Variants in CUL7 observed in about 807,000 individuals in gnomAD.
The protein encoded by CUL7 is cullin 7, also known as cullin-7.
CUL7 carries 96 observed loss-of-function variants against 177.7 expected under a neutral mutation model. That is an observed-to-expected ratio of 0.54 (90% CI 0.46 to 0.64). CUL7 has a LOEUF of 0.64. CUL7 is among the 30% of genes least tolerant of loss of function. The pLI is 0.00. For missense variants in CUL7, 1,893 were observed against 2,187.9 expected, an observed-to-expected ratio of 0.87 and a Z score of 2.69; for synonymous variants, 824 against 890.2, an observed-to-expected ratio of 0.93 and a Z score of 1.32.
chr6:43,038,213 T>G, intron 25 of CUL7, 54 bp downstream of exon 25: 1 of 1,594,558 alleles, frequency 6.3e-7, no homozygotes, highest in African/African-American at 1.3e-5. Flanking sequence ...TCCTGTAGAC[T>G]GCTCCCCCAA....
chr6:43,045,710 C>T lies in CUL7; in HGVS notation c.2767-28G>A. ...GGCAGGGGGCAGAGAAAGCTGTCAC[C>T]TCCACACATGCAGAGCCAAGTTGGC... On this transcript the variant is annotated intron_variant, in intron 13 of 25. Coordinates refer to ENST00000265348, the MANE Select transcript of CUL7 (RefSeq NM_014780.5). This position sits in a 1 kb window ranked among gnomAD's most constrained non-coding sequence, Gnocchi z 4.8. 2.7e-5 allele frequency: 44 copies of T among 1,612,100 alleles called. No individual in the cohort carries two copies. Among genetic ancestry groups the T allele is most frequent in the Non-Finnish European group, 3.7e-5 (44 of 1,178,174 alleles).
rs986101314 is a variant in CUL7, at chr6:43,053,218, T to C, written c.-9+404A>G. On this transcript the variant is annotated intron_variant, in intron 1 of 25. Coordinates refer to ENST00000265348, the MANE Select transcript of CUL7 (RefSeq NM_014780.5). This position sits in a 1 kb window ranked among gnomAD's most constrained non-coding sequence, Gnocchi z 4.1. ...TGAAAAGGGGTGCTGTCTCTAAGGA[T>C]TGGAGCATGGGAGTGCGAGACCCAA... 4.6e-5 allele frequency among the ~76,000 whole-genome samples: 7 copies of C among 150,890 alleles called. No individual in the cohort carries two copies. Among genetic ancestry groups the C allele is most frequent in the Non-Finnish European group, 8.9e-5 (6 of 67,648 alleles).
chr6:43,046,209 G>C (rs767369934), intron 12 of CUL7, 27 bp downstream of exon 12: 2 of 1,614,154 alleles, frequency 1.2e-6, no homozygotes, highest in South Asian at 1.1e-5. Flanking sequence ...ACACGTGTGT[G>C]GCAAAGCACA....
intron 7 of CUL7, among the ~76,000 whole-genome samples, chr6:43,048,976 G>C (rs1175874550): frequency 6.6e-6 from 1 of 151,606 alleles, no homozygotes; most frequent in Non-Finnish European, 1.5e-5. Flanking sequence ...GTTTCACCAT[G>C]TTAGGCAGGA....
Position 43,046,088 on chromosome 6 carries a change from T to C in CUL7, c.2664A>G (p.Gln888=), listed in dbSNP as rs1581934137. The change falls in exon 13 of 26, where the codon CAA becomes CAG. Residue 888 remains glutamine (Q), a synonymous_variant. Coordinates refer to ENST00000265348, the MANE Select transcript of CUL7 (RefSeq NM_014780.5). ...CCTCACTAGCCACAAGCAGAGTCAG[T>C]TGCCTGGGAGTGGGGAGGAAAAACC... ...LHMRRGILIR[Q]LTLLVASEDS... 2 of 1,614,030 alleles carry C rather than the reference T, an allele frequency of 1.2e-6. No individual in the cohort carries two copies. Among genetic ancestry groups the C allele is most frequent in the Non-Finnish European group, 1.7e-6 (2 of 1,179,940 alleles).
intron 6 of CUL7, 47 bp from the exon 7 acceptor site, chr6:43,049,709 G>A: frequency 6.2e-7 from 1 of 1,610,520 alleles, no homozygotes; most frequent in South Asian, 1.1e-5. Flanking sequence ...TGCCGACCCA[G>A]AGGCCCCAGG....
chr6:43,039,319 T>G (rs1464938451), intron 22 of CUL7, among the ~76,000 whole-genome samples: 3 of 152,222 alleles, frequency 2.0e-5, no homozygotes, highest in African/African-American at 7.2e-5. Context: ...TGGAATATTA[T>G]GACAGGAAAC....
intron 10 of CUL7, 48 bp from the exon 11 acceptor site, chr6:43,046,649 C>T (rs569013825): frequency 3.2e-5 from 51 of 1,610,744 alleles, no homozygotes; most frequent in South Asian, 2.2e-4. Flanking sequence ...AGAAGGAACA[C>T]GGAGACACAC....
chr6:43,038,680 CCA>C lies in CUL7; in HGVS notation c.4451_4452del (p.Val1484GlyfsTer69), dbSNP rs730880261. 6.8e-6 allele frequency: 11 copies of C among 1,614,090 alleles called. No individual in the cohort carries two copies. Among genetic ancestry groups the C allele is most frequent in the Middle Eastern group, 1.7e-4 (1 of 6,022 alleles). On this transcript the variant is annotated frameshift_variant, in exon 24 of 26. Coordinates refer to ENST00000265348, the MANE Select transcript of CUL7 (RefSeq NM_014780.5). LOFTEE classifies it high-confidence loss of function. ...LYLNDLKAVS[V>X]ESLLAFSGLS... is the part of the protein sequence containing the mutation. ...AGCCCTGAGAACGCCAGCAGACTCTCCACAGAGACCGCCTTCAGAGAACAGAT... is the reference window on the plus strand; with the variant it reads ...AGCCCTGAGAACGCCAGCAGACTCTCCAGAGACCGCCTTCAGAGAACAGAT...
At position 43,053,681 on chromosome 6, in the gene CUL7, C is replaced by T. The variant is rs1422174833; in HGVS notation, c.-68G>A. 2.1e-6 allele frequency: 3 copies of T among 1,413,984 alleles called. No homozygotes were observed. The East Asian group carries it at 8.3e-5, about 39-fold the overall frequency. 87.6% of individuals were successfully genotyped at this position (1,413,984 alleles called of 1,614,324 possible). On this transcript the variant is annotated 5_prime_UTR_variant, in exon 1 of 26. Coordinates refer to ENST00000265348, the MANE Select transcript of CUL7 (RefSeq NM_014780.5). The surrounding 1 kb of genome is among the most constrained non-coding windows in gnomAD (Gnocchi z 4.1). ...GTCCTTCACAGAGCAAGGGACGCGG[C>T]ACAGACGCTGGCGGCGACTTGGGCC... is the stretch of plus-strand genomic sequence containing the variant.
At position 43,051,558 on chromosome 6, in the gene CUL7, TG is replaced by T; in HGVS notation, c.732+53del. 6.2e-7 allele frequency: 1 copy of T among 1,614,024 alleles called. No individual in the cohort carries two copies. Among genetic ancestry groups the T allele is most frequent in the Non-Finnish European group, 8.5e-7 (1 of 1,179,948 alleles). On this transcript the variant is annotated intron_variant, in intron 3 of 25. Coordinates refer to ENST00000265348, the MANE Select transcript of CUL7 (RefSeq NM_014780.5). The surrounding 1 kb of genome is among the most constrained non-coding windows in gnomAD (Gnocchi z 5.0). ...TCCTCTGCAGATAGGTGCAAAGGCC[TG>T]GACCCTAGATCTTGTTCACAAGTTC... is the stretch of plus-strand genomic sequence containing the variant.
rs781663546 is a variant in CUL7, at chr6:43,051,344, C to G, written c.857G>C (p.Ser286Thr). ...AQNTSAPEELSGERGQLELEF... is the reference protein window; with the variant it reads ...AQNTSAPEELTGERGQLELEF... ...CAGCTCCAGTTGACCCCTCTCCCCA[C>G]TCAACTCCTCAGGAGCAGAGGTGTT... The change falls in exon 4 of 26, where the codon AGT becomes ACT. Residue 286 changes from serine (S) to threonine (T), a missense_variant. Physicochemically the swap from Ser to Thr is moderately conservative, Grantham distance 58. This residue lies in a region of CUL7 where 653 missense variants were observed against 725.2 expected (regional missense o/e 0.90). Transcript: ENST00000265348. This position sits in a 1 kb window ranked among gnomAD's most constrained non-coding sequence, Gnocchi z 5.0. 1 of 1,612,440 alleles carries G rather than the reference C, an allele frequency of 6.2e-7. No individual in the cohort carries two copies. The highest frequency in any genetic ancestry group is 1.7e-5 in the Admixed American group (1 of 59,938).
Position 43,049,443 on chromosome 6 carries a change from G to A in CUL7, c.1789C>T (p.Gln597Ter), listed in dbSNP as rs942505435. 4 of 1,614,222 alleles carry A rather than the reference G, an allele frequency of 2.5e-6. No homozygotes were observed. The highest frequency in any genetic ancestry group is 3.4e-6 in the Non-Finnish European group (4 of 1,180,040). ...EDVLLLDAQA[Q>*]AKDSEDAAKV... Reference sequence around the variant, plus strand: ...GCTGCATCTTCTGAGTCCTTAGCCTGGGCCTGCGCGTCTAGCAGGAGGACA... The same window carrying A: ...GCTGCATCTTCTGAGTCCTTAGCCTAGGCCTGCGCGTCTAGCAGGAGGACA... The change falls in exon 7 of 26, where the codon CAG becomes TAG. Residue 597 changes from glutamine (Q) to a stop codon, truncating the protein, a stop_gained. Transcript: ENST00000265348. LOFTEE classifies it high-confidence loss of function.
chr6:43,042,433 T>C (rs544991732), intron 19 of CUL7, among the ~76,000 whole-genome samples: 2 of 152,176 alleles, frequency 1.3e-5, no homozygotes, highest in South Asian at 4.2e-4. Context: ...CTCCACTTCC[T>C]GGGTTCAAAC....
chr6:43,042,902 G>A lies in CUL7; in HGVS notation c.3545C>T (p.Ser1182Leu). ...YCEHFNILQNSSSELFGPRAA... is the reference protein window; with the variant it reads ...YCEHFNILQNLSSELFGPRAA... ...CCGAGGCCCAAACAGTTCAGAGCTT[G>A]AGTTCTGCAGAATATTAAAGTGCTC... is the stretch of plus-strand genomic sequence containing the variant. The change falls in exon 19 of 26, where the codon TCA (serine) becomes TTA (leucine). Residue 1182 changes from serine (S) to leucine (L), a missense_variant. Ser to Leu is a moderately radical substitution (Grantham distance 145). Around this residue, in one of 5 missense-constraint regions of CUL7, gnomAD observed 973 missense variants for 1,140.9 expected, o/e 0.85. Coordinates refer to ENST00000265348, the MANE Select transcript of CUL7 (RefSeq NM_014780.5). 6.2e-7 allele frequency: 1 copy of A among 1,614,108 alleles called. No individual in the cohort carries two copies. Among genetic ancestry groups the A allele is most frequent in the East Asian group, 2.2e-5 (1 of 44,864 alleles).
At chr6:43,039,206 C>A (rs568353076) in intron 22 of CUL7, among the ~76,000 whole-genome samples, 32 of 152,310 alleles carry the variant, frequency 2.1e-4, no homozygotes, top group African/African-American at 7.0e-4. Context: ...CTATGCCTAG[C>A]CTGGTGCCAA....
In CUL7 at chr6:43,052,933, T is replaced by C. The variant is rs1764552248; in HGVS notation, c.-8-137A>G. On this transcript the variant is annotated intron_variant, in intron 1 of 25. Coordinates refer to ENST00000265348, the MANE Select transcript of CUL7 (RefSeq NM_014780.5). This position sits in a 1 kb window ranked among gnomAD's most constrained non-coding sequence, Gnocchi z 4.5. ...GGTAAAGCCAGGCCCAGGAGTTGCA[T>C]GCTGCACGCTGGGTGGGGGCAGGCC... 3 of 857,880 alleles carry C rather than the reference T, an allele frequency of 3.5e-6. No individual in the cohort carries two copies. The highest frequency in any genetic ancestry group is 5.6e-6 in the Non-Finnish European group (3 of 535,048). 53.1% of individuals were successfully genotyped at this position (857,880 alleles called of 1,614,324 possible). A position where few individuals can be genotyped will look rare whatever the true frequency, so the allele number is the denominator to read the frequency against.
Position 43,043,463 on chromosome 6 carries a change from C to T in CUL7, c.3340G>A (p.Ala1114Thr), listed in dbSNP as rs1487753865. 6.2e-7 allele frequency: 1 copy of T among 1,613,956 alleles called. No homozygotes were observed. Among genetic ancestry groups the T allele is most frequent in the Admixed American group, 1.7e-5 (1 of 60,010 alleles). Residue 1114 changes from alanine to threonine, a missense_variant, in exon 17 of 26, where the codon GCC (alanine) becomes ACC (threonine). Ala to Thr is a moderately conservative substitution (Grantham distance 58, BLOSUM62 0). Transcript: ENST00000265348. The surrounding 1 kb of genome is among the most constrained non-coding windows in gnomAD (Gnocchi z 4.2). ...CACTACTCACTGGGCCGAGGAGTGG[C>T]CACCACAGGAGGGGGTGCCTCACAG... ...EPCEAPPPVV[A>T]TPRPKGRNRS...
rs1763271051 is a variant in CUL7 at position 43,040,004 on chromosome 6, T to C, written c.4294+152A>G. On this transcript the variant is annotated intron_variant, in intron 22 of 25. Coordinates refer to ENST00000265348, the MANE Select transcript of CUL7 (RefSeq NM_014780.5). This position sits in a 1 kb window ranked among gnomAD's most constrained non-coding sequence, Gnocchi z 4.2. Reference sequence around the variant, plus strand: ...ATCTGCCTGCCTCGGCCTCCCAAAGTGCTGGGATTACAGGCGTGAGCACTG... The same window carrying C: ...ATCTGCCTGCCTCGGCCTCCCAAAGCGCTGGGATTACAGGCGTGAGCACTG... 1 of 944,494 alleles carries C rather than the reference T, an allele frequency of 1.1e-6. No individual in the cohort carries two copies. Among genetic ancestry groups the C allele is most frequent in the Non-Finnish European group, 1.7e-6 (1 of 588,720 alleles). The allele number at this position is 944,494 out of a possible 1,614,324, so 58.5% of individuals were successfully genotyped here.
Sources: gnomAD v4.1 joint callset for allele counts (sites outside exome capture counted in the v4.1 genomes callset) on GRCh38, gnomAD v4.1.1 for gene constraint, gnomAD v4.1.1 regional missense constraint, Gnocchi (gnomAD v3.1) non-coding constraint, MANE v1.5 for transcripts, NCBI Gene and HGNC (gene_info 2026-07-23, HGNC 2026-07-21) for gene names.